Variants in FHIT observed in about 807,000 individuals in gnomAD.
FHIT encodes bis(5'-adenosyl)-triphosphatase.
Under a neutral mutation model 17.9 loss-of-function variants are expected in FHIT, and 19 were observed. The observed-to-expected ratio is 1.06, with a 90% CI of 0.74 to 1.56. The LOEUF is 1.56. Ranked by LOEUF, FHIT falls within the 40% of genes most tolerant of loss-of-function variation. The pLI, the probability that FHIT is intolerant of heterozygous loss-of-function variation, is 0.00. For missense variants in FHIT, 248 were observed against 189.2 expected, an observed-to-expected ratio of 1.31 and a Z score of -1.82; for synonymous variants, 81 against 69.7, an observed-to-expected ratio of 1.16 and a Z score of -0.81.
At chr3:61,103,218 G>T (rs1283894374) in intron 2 of FHIT, among the ~76,000 whole-genome samples, 1 of 152,190 alleles carries the variant, frequency 6.6e-6, no homozygotes, top group Non-Finnish European at 1.5e-5. Flanking sequence ...TCTACACACT[G>T]CTTTAAATGT....
intron 1 of FHIT, among the ~76,000 whole-genome samples, chr3:61,227,601 C>G (rs1243826171): frequency 2.0e-5 from 3 of 152,122 alleles, no homozygotes. Flanking sequence ...ACTGTACCAA[C>G]TACATGCCAC....
At chr3:59,889,726 A>ATTT (rs1703771744) in intron 8 of FHIT, among the ~76,000 whole-genome samples, 1 of 152,236 alleles carries the variant, frequency 6.6e-6, no homozygotes, top group African/African-American at 2.4e-5. Context: ...AGAATTTTTA[A>ATTT]TAAATACAGT....
chr3:61,213,839 A>G (rs1329561233), intron 1 of FHIT, among the ~76,000 whole-genome samples: 2 of 152,260 alleles, frequency 1.3e-5, no homozygotes, highest in Non-Finnish European at 1.5e-5. Context: ...ACTAGAACTC[A>G]GGATTAAGAA....
At chr3:61,033,401 T>A (rs983915085) in intron 3 of FHIT, among the ~76,000 whole-genome samples, 4 of 152,184 alleles carry the variant, frequency 2.6e-5, no homozygotes, top group South Asian at 2.1e-4. Flanking sequence ...ACACCAGACC[T>A]CAAAGACTGA....
intron 7 of FHIT, among the ~76,000 whole-genome samples, chr3:59,969,684 C>G (rs3772470): frequency 0.097 from 14,784 of 152,134 alleles, 912 homozygotes; most frequent in Admixed American, 0.14. Context: ...TTAAGTTCAC[C>G]TAAGGATATT....
At chr3:60,493,586 G>C (rs2034158531) in intron 5 of FHIT, among the ~76,000 whole-genome samples, 1 of 152,126 alleles carries the variant, frequency 6.6e-6, no homozygotes, top group Non-Finnish European at 1.5e-5. Flanking sequence ...TCAACATCAT[G>C]ATATTAATTT....
At chr3:59,818,010 A>G (rs1700662925) in intron 8 of FHIT, among the ~76,000 whole-genome samples, 1 of 152,146 alleles carries the variant, frequency 6.6e-6, no homozygotes, top group African/African-American at 2.4e-5. Flanking sequence ...GTGGACACCC[A>G]CAACTTCTGG....
At chr3:60,474,440 A>C (rs905995282) in intron 5 of FHIT, among the ~76,000 whole-genome samples, 2 of 152,176 alleles carry the variant, frequency 1.3e-5, no homozygotes, top group Non-Finnish European at 2.9e-5. Context: ...TTTACAGTTC[A>C]ATTTTATAGA....
intron 8 of FHIT, among the ~76,000 whole-genome samples, chr3:59,805,151 G>A (rs1310182844): frequency 1.3e-5 from 2 of 152,140 alleles, no homozygotes; most frequent in African/African-American, 2.4e-5. Flanking sequence ...CCTTTCCGGC[G>A]TGTCCTGCTC....
chr3:60,139,658 T>G (rs76181783), intron 5 of FHIT, among the ~76,000 whole-genome samples: 186 of 152,278 alleles, frequency 1.2e-3, no homozygotes, highest in Middle Eastern at 3.4e-3. Flanking sequence ...AAGGAGGGGC[T>G]ATTCCACTTT....
chr3:60,413,845 T>G (rs1022996885), intron 5 of FHIT, among the ~76,000 whole-genome samples: 4 of 152,228 alleles, frequency 2.6e-5, no homozygotes, highest in African/African-American at 9.6e-5. Context: ...CTCATCCATT[T>G]GTTTAAATAT....
intron 5 of FHIT, among the ~76,000 whole-genome samples, chr3:60,026,624 C>T (rs17061847): frequency 1.3e-4 from 20 of 152,116 alleles, no homozygotes; most frequent in East Asian, 9.6e-4. Flanking sequence ...TTCTAACTTA[C>T]GACTTTTTCA....
intron 3 of FHIT, among the ~76,000 whole-genome samples, chr3:60,846,901 G>A (rs142375314): frequency 0.014 from 2,167 of 151,926 alleles, 54 homozygotes; most frequent in African/African-American, 0.049. Context: ...TCAGCTCACT[G>A]CAACCTCCGC....
chr3:60,140,802 T>G (rs1009000748), intron 5 of FHIT, among the ~76,000 whole-genome samples: 4 of 152,000 alleles, frequency 2.6e-5, no homozygotes, highest in Non-Finnish European at 5.9e-5. Flanking sequence ...GGTTTCGAAC[T>G]CCCAACCTCA....
At chr3:60,093,943 C>A (rs1703835331) in intron 5 of FHIT, among the ~76,000 whole-genome samples, 1 of 152,136 alleles carries the variant, frequency 6.6e-6, no homozygotes, top group Non-Finnish European at 1.5e-5. Flanking sequence ...GGTCCAGCTA[C>A]CACAAATACA....
intron 4 of FHIT, among the ~76,000 whole-genome samples, chr3:60,557,880 C>T (rs532753822): frequency 3.2e-4 from 49 of 152,146 alleles, no homozygotes; most frequent in African/African-American, 1.0e-3. Context: ...AAGGCTTTTG[C>T]TTTTAAAATA....
At chr3:60,516,013 T>C (rs972632512) in intron 5 of FHIT, among the ~76,000 whole-genome samples, 10 of 152,180 alleles carry the variant, frequency 6.6e-5, no homozygotes, top group African/African-American at 2.4e-4. Flanking sequence ...CAAGTTGATA[T>C]AGTGGGGAAG....
intron 4 of FHIT, among the ~76,000 whole-genome samples, chr3:60,789,106 C>CTA (rs35388402): frequency 0.12 from 16,604 of 135,738 alleles, 1,291 homozygotes; most frequent in African/African-American, 0.23. Context: ...AGTTGAATAT[C>CTA]TATATGTATA....
At chr3:60,750,278 A>T (rs2108029492) in intron 4 of FHIT, among the ~76,000 whole-genome samples, 1 of 152,244 alleles carries the variant, frequency 6.6e-6, no homozygotes, top group East Asian at 1.9e-4. Context: ...AAGGTCTAAA[A>T]TCAAGGCCCC....
Sources: allele counts gnomAD v4.1 joint callset (sites outside exome capture counted in the v4.1 genomes callset), GRCh38; gene constraint gnomAD v4.1.1; transcripts MANE v1.5; gene names NCBI Gene and HGNC (gene_info 2026-07-23, HGNC 2026-07-21).